The following ODAD2 variants were observed in gnomAD, a reference collection of about 807,000 sequenced individuals.
The protein encoded by ODAD2 is outer dynein arm-docking complex subunit 2.
In ODAD2, 89 loss-of-function variants were observed where a neutral mutation model predicts 106.8. The ratio of observed to expected loss-of-function variants is 0.83; its 90% CI spans 0.70 to 0.99. The LOEUF is 0.99. ODAD2 is among the 50% of genes least tolerant of loss of function. The pLI, the probability that ODAD2 is intolerant of heterozygous loss-of-function variation, is 0.00. For missense variants in ODAD2, 1,168 were observed against 1,238.5 expected, an observed-to-expected ratio of 0.94 and a Z score of 0.85; for synonymous variants, 404 against 436.2, an observed-to-expected ratio of 0.93 and a Z score of 0.92.
chr10:27,814,182 G>A (rs1184454919), intron 19 of ODAD2, among the ~76,000 whole-genome samples: 2 of 152,096 alleles, frequency 1.3e-5, no homozygotes, highest in African/African-American at 4.8e-5. Context: ...CCTCCGCAAA[G>A]CCAGAGTCCC....
intron 6 of ODAD2, chr10:27,982,050 A>G (rs1849584315): frequency 6.6e-6 from 1 of 152,512 alleles, no homozygotes; most frequent in Admixed American, 6.5e-5. Flanking sequence ...CTTATTTTCT[A>G]GATCTCTGTG....
chr10:27,855,266 A>G (rs1839578207), intron 19 of ODAD2, among the ~76,000 whole-genome samples: 1 of 152,212 alleles, frequency 6.6e-6, no homozygotes, highest in Non-Finnish European at 1.5e-5. Flanking sequence ...AACATGATGA[A>G]CTAAACTCTG....
chr10:27,990,783 G>A (rs759777891), intron 2 of ODAD2, among the ~76,000 whole-genome samples: 5 of 152,174 alleles, frequency 3.3e-5, no homozygotes, highest in African/African-American at 4.8e-5. Context: ...GTGCATTCTT[G>A]AGGGGAAGAC....
chr10:27,878,653 A>C (rs577283469), intron 17 of ODAD2, among the ~76,000 whole-genome samples: 59 of 152,318 alleles, frequency 3.9e-4, no homozygotes, highest in Admixed American at 3.4e-3. Context: ...AACTTTTTTT[A>C]ATCCTACACT....
At chr10:27,982,069 T>C (rs557365654) in intron 6 of ODAD2, among the ~76,000 whole-genome samples, 13 of 152,212 alleles carry the variant, frequency 8.5e-5, no homozygotes, top group Non-Finnish European at 1.6e-4. Context: ...TGTAACGATC[T>C]GTCCACACAC....
At chr10:27,865,250 T>C (rs2133371018) in intron 17 of ODAD2, among the ~76,000 whole-genome samples, 1 of 152,330 alleles carries the variant, frequency 6.6e-6, no homozygotes, top group East Asian at 1.9e-4. Context: ...CTGGCACTCA[T>C]TCCCTGAGAA....
chr10:27,834,728 T>G (rs1837733131), intron 19 of ODAD2, among the ~76,000 whole-genome samples: 1 of 152,208 alleles, frequency 6.6e-6, no homozygotes, highest in African/African-American at 2.4e-5. Flanking sequence ...CAGAAAAGGC[T>G]ATTACAGAGA....
At chr10:27,911,170 AC>A (rs1196180094) in intron 16 of ODAD2, among the ~76,000 whole-genome samples, 1 of 152,144 alleles carries the variant, frequency 6.6e-6, no homozygotes. Flanking sequence ...CAGCAAAATC[AC>A]CATCCCAGAG....
intron 17 of ODAD2, among the ~76,000 whole-genome samples, chr10:27,880,238 T>G (rs2133553686): frequency 6.6e-6 from 1 of 152,338 alleles, no homozygotes; most frequent in South Asian, 2.1e-4. Context: ...ACAATTTTCC[T>G]ACAAAAGAGA....
chr10:27,830,797 A>G (rs766969083), intron 19 of ODAD2, among the ~76,000 whole-genome samples: 3 of 152,156 alleles, frequency 2.0e-5, no homozygotes, highest in Admixed American at 6.5e-5. Context: ...TCTTACTTTA[A>G]TATCAGTTTG....
At chr10:27,834,866 G>A (rs552823543) in intron 19 of ODAD2, among the ~76,000 whole-genome samples, 1 of 152,158 alleles carries the variant, frequency 6.6e-6, no homozygotes, top group African/African-American at 2.4e-5. Context: ...AGTCTCCAAA[G>A]AAATTGCCTG....
chr10:27,937,377 G>A (rs12762554), intron 14 of ODAD2, among the ~76,000 whole-genome samples: 55,265 of 141,366 alleles, frequency 0.39, 11,776 homozygotes, highest in Middle Eastern at 0.62. Context: ...TTGCTCTGTC[G>A]CCCAAGGTGG....
intron 10 of ODAD2, among the ~76,000 whole-genome samples, chr10:27,959,640 G>A (rs181008977): frequency 3.3e-5 from 5 of 152,170 alleles, no homozygotes; most frequent in East Asian, 3.9e-4. Flanking sequence ...CCAAATTCCC[G>A]ACAGGTTAAT....
At position 27,995,007 on chromosome 10, in the gene ODAD2, G is replaced by T. The variant is rs1362980857; in HGVS notation, c.136C>A (p.Pro46Thr). 1.9e-6 allele frequency: 3 copies of T among 1,614,152 alleles called. No homozygotes were observed. ...ACAAAAACAAATTTTGCCTCTTGAGGATGTTTATAGATAAAACTCTCCACA... is the reference window on the plus strand; with the variant it reads ...ACAAAAACAAATTTTGCCTCTTGAGTATGTTTATAGATAAAACTCTCCACA... ...VFVESFIYKH[P>T]QEAKFVFVEP... Residue 46 changes from proline to threonine, a missense_variant, in exon 2 of 20, where the codon CCT (proline) becomes ACT (threonine). This residue lies in a region of ODAD2 where 430 missense variants were observed against 452.2 expected (regional missense o/e 0.95). Coordinates refer to ENST00000305242, the MANE Select transcript of ODAD2 (RefSeq NM_018076.5).
At chr10:27,825,381 A>C (rs1836960424) in intron 19 of ODAD2, among the ~76,000 whole-genome samples, 1 of 152,202 alleles carries the variant, frequency 6.6e-6, no homozygotes, top group African/African-American at 2.4e-5. Context: ...CTTTCTCTTC[A>C]AGGGGAGACA....
At position 27,953,704 on chromosome 10, in the gene ODAD2, T is replaced by TTATGTATATAAATTATA. The variant is rs1371874413; in HGVS notation, c.1386+7847_1386+7863dup. On this transcript the variant is annotated intron_variant, in intron 10 of 19. Coordinates refer to ENST00000305242, the MANE Select transcript of ODAD2 (RefSeq NM_018076.5). ...AGAATAAGAAATAGTAGGATTTCAT[T>TTATGTATATAAATTATA]TATGTATATAAATTATATATGTATA... Among the ~76,000 whole-genome samples the TTATGTATATAAATTATA allele has an allele frequency of 4.6e-5, 7 of 152,180 alleles. No individual in the cohort carries two copies. In the East Asian group the frequency reaches 1.3e-3, roughly 29 times the overall value.
intron 16 of ODAD2, among the ~76,000 whole-genome samples, chr10:27,928,604 TATTTGCC>T (rs1845411107): frequency 2.0e-5 from 3 of 152,272 alleles, no homozygotes; most frequent in African/African-American, 7.2e-5. Flanking sequence ...TAATGCGAAT[TATTTGCC>T]ATTTAAGGCC....
intron 17 of ODAD2, among the ~76,000 whole-genome samples, chr10:27,900,957 C>T (rs981123946): frequency 3.9e-5 from 6 of 152,144 alleles, no homozygotes; most frequent in African/African-American, 1.4e-4. Flanking sequence ...TCAGGAAATA[C>T]AGAGAACACC....
intron 19 of ODAD2, among the ~76,000 whole-genome samples, chr10:27,856,962 C>T (rs933105465): frequency 6.6e-6 from 1 of 152,018 alleles, no homozygotes; most frequent in Non-Finnish European, 1.5e-5. Context: ...ACCGAAACTC[C>T]GTCCCAAAAA....
Sources: allele counts gnomAD v4.1 joint callset (sites outside exome capture counted in the v4.1 genomes callset), GRCh38; gene constraint gnomAD v4.1.1; regional missense constraint gnomAD v4.1.1; transcripts MANE v1.5; gene names NCBI Gene and HGNC (gene_info 2026-07-23, HGNC 2026-07-21).